Variants in DENND2A observed in about 807,000 individuals in gnomAD.
DENND2A encodes the protein DENN domain containing 2A.
Under a neutral mutation model 105.3 loss-of-function variants are expected in DENND2A, and 53 were observed. The observed-to-expected ratio is 0.50, with a 90% CI of 0.40 to 0.63. The LOEUF is 0.63. DENND2A is among the 30% of genes least tolerant of loss of function. DENND2A has a pLI of 0.00. For missense variants in DENND2A, 1,138 were observed against 1,279.6 expected, an observed-to-expected ratio of 0.89 and a Z score of 1.69; for synonymous variants, 522 against 508.4, an observed-to-expected ratio of 1.03 and a Z score of -0.36.
At chr7:140,560,173 G>A (rs146489468) in intron 9 of DENND2A, among the ~76,000 whole-genome samples, 52 of 152,322 alleles carry the variant, frequency 3.4e-4, no homozygotes, top group Non-Finnish European at 5.3e-4. Flanking sequence ...AGGCCTCTCT[G>A]TCTCTGGGTC....
intron 14 of DENND2A, among the ~76,000 whole-genome samples, chr7:140,540,445 C>T (rs1478631171): frequency 6.6e-6 from 1 of 152,260 alleles, no homozygotes; most frequent in African/African-American, 2.4e-5. Context: ...CAGTGCCTTT[C>T]CTATGGACTG....
rs201691700 is a variant in DENND2A at position 140,583,225 on chromosome 7, C to T, written c.1245+2364G>A. Among the ~76,000 whole-genome samples the T allele has an allele frequency of 3.9e-5, 6 of 152,100 alleles. No homozygotes were observed. The East Asian group carries it at 7.7e-4, about 20-fold the overall frequency. The stretch of plus-strand genomic sequence containing the variant: ...CTGGGAGGCTGAGGCAGGAGAATGG[C>T]GTGAACCCGGGAGGTGGAGCTTGCA... On this transcript the variant is annotated intron_variant, in intron 5 of 19. Coordinates refer to ENST00000496613, the MANE Select transcript of DENND2A (RefSeq NM_015689.5).
intron 1 of DENND2A, among the ~76,000 whole-genome samples, chr7:140,637,808 T>C (rs1445238414): frequency 6.6e-6 from 1 of 152,192 alleles, no homozygotes; most frequent in Non-Finnish European, 1.5e-5. Context: ...CACCCCTCTC[T>C]GGGCTATACT....
Position 140,567,170 on chromosome 7 carries a change from G to A in DENND2A, c.1695C>T (p.Phe565=), listed in dbSNP as rs200641456. The part of the protein sequence containing the change: ...ELIEYQERQL[F]EYFVVVSLHK... ...GCAAAGACACAACCACAAAGTACTC[G>A]AAGAGCTGCCTCTCCTGGTACTCGA... The change falls in exon 9 of 20, where the codon TTC becomes TTT. Residue 565 remains phenylalanine (F), a synonymous_variant. Transcript: ENST00000496613. The A allele has an allele frequency of 6.2e-6, 10 of 1,613,578 alleles. No individual in the cohort carries two copies. In the East Asian group the frequency reaches 8.9e-5, roughly 14 times the overall value.
chr7:140,550,903 A>G (rs2130541645), intron 12 of DENND2A, among the ~76,000 whole-genome samples: 1 of 152,302 alleles, frequency 6.6e-6, no homozygotes, highest in East Asian at 1.9e-4. Context: ...TATATATTTT[A>G]GCACAAGAAA....
chr7:140,569,544 TCTC>T (rs774250902), intron 7 of DENND2A, 98 bp downstream of exon 7: 183 of 824,118 alleles, frequency 2.2e-4, no homozygotes, highest in Non-Finnish European at 3.5e-4. Context: ...ATCAGCTTGT[TCTC>T]CTCCTTGGTG....
chr7:140,639,054 G>C lies in DENND2A; in HGVS notation c.-248+1450C>G, dbSNP rs114031811. Reference sequence around the variant, plus strand: ...GACACAGGATTTTATTAATCTTCCAGAATGAAAGGACTGGAGGCCAGGCAC... The same window carrying C: ...GACACAGGATTTTATTAATCTTCCACAATGAAAGGACTGGAGGCCAGGCAC... On this transcript the variant is annotated intron_variant, in intron 1 of 19. Transcript: ENST00000496613. Among the ~76,000 whole-genome samples the C allele has an allele frequency of 8.5e-3, 1,295 of 152,250 alleles. 17 individuals carry two copies. Among genetic ancestry groups the C allele is most frequent in the African/African-American group, 0.029 (1,219 of 41,542 alleles).
At chr7:140,542,843 G>A (rs1408990398) in intron 14 of DENND2A, among the ~76,000 whole-genome samples, 1 of 152,038 alleles carries the variant, frequency 6.6e-6, no homozygotes, top group Non-Finnish European at 1.5e-5. Flanking sequence ...TGGGATTACA[G>A]TCATGAGCCA....
chr7:140,567,390 T>C (rs1797895209), intron 8 of DENND2A, 117 bp from the exon 9 acceptor site: 1 of 918,438 alleles, frequency 1.1e-6, no homozygotes. Context: ...CCATGTGGAA[T>C]TGTGCCGAGC....
chr7:140,554,175 G>A (rs887690493), intron 12 of DENND2A, among the ~76,000 whole-genome samples: 1 of 151,698 alleles, frequency 6.6e-6, no homozygotes, highest in Non-Finnish European at 1.5e-5. Flanking sequence ...GCAGTGAGCC[G>A]AGGTCGCACC....
At chr7:140,639,374 A>G (rs1801090695) in intron 1 of DENND2A, among the ~76,000 whole-genome samples, 1 of 151,874 alleles carries the variant, frequency 6.6e-6, no homozygotes, top group Admixed American at 6.6e-5. Context: ...ATAAAAAACA[A>G]ACGAAAGGAC....
Position 140,527,200 on chromosome 7 carries a change from C to T in DENND2A, c.2505+118G>A, listed in dbSNP as rs1479181495. On this transcript the variant is annotated intron_variant, in intron 15 of 19. Transcript: ENST00000496613. The surrounding 1 kb of genome is among the most constrained non-coding windows in gnomAD (Gnocchi z 4.9). ...GCCAGACAAAGCCCTGGTGCCCCCACGCCCTGCTCCCCAACACTGCTGGCT... is the reference window on the plus strand; with the variant it reads ...GCCAGACAAAGCCCTGGTGCCCCCATGCCCTGCTCCCCAACACTGCTGGCT... 6.0e-6 allele frequency: 7 copies of T among 1,163,282 alleles called. No individual in the cohort carries two copies. In the East Asian group the frequency reaches 1.1e-4, roughly 18 times the overall value. 72.1% of individuals were successfully genotyped at this position (1,163,282 alleles called of 1,614,324 possible). A position where few individuals can be genotyped will look rare whatever the true frequency, so the allele number is the denominator to read the frequency against.
chr7:140,627,534 T>TA (rs200295836), intron 1 of DENND2A, among the ~76,000 whole-genome samples: 33 of 151,070 alleles, frequency 2.2e-4, no homozygotes, highest in African/African-American at 3.9e-4. Context: ...TTTATTTATT[T>TA]TTTTTTGAGA....
At chr7:140,641,399 C>T (rs532717148), upstream of DENND2A, 1 of 152,330 alleles carries the variant, frequency 6.6e-6, no homozygotes, top group African/African-American at 2.4e-5. Flanking sequence ...CCGCTGCCCC[C>T]ACTCACGCAG....
chr7:140,640,653 G>A lies in DENND2A; in HGVS notation c.-397C>T, dbSNP rs1402138310. 1 of 148,098 alleles carries A rather than the reference G, an allele frequency of 6.8e-6. No homozygotes were observed. Among genetic ancestry groups the A allele is most frequent in the East Asian group, 2.0e-4 (1 of 5,100 alleles). 9.2% of individuals were successfully genotyped at this position (148,098 alleles called of 1,614,324 possible). ...CGCCCTCCGCCCCTTTGTCCGCCGA[G>A]CCTCCCCCGGCCGCCCGCAAGCCCC... On this transcript the variant is annotated 5_prime_UTR_variant, in exon 1 of 20. Transcript: ENST00000496613. The surrounding 1 kb of genome is among the most constrained non-coding windows in gnomAD (Gnocchi z 4.9).
chr7:140,584,465 A>G (rs549537430), intron 5 of DENND2A, among the ~76,000 whole-genome samples: 17 of 152,254 alleles, frequency 1.1e-4, no homozygotes, highest in African/African-American at 4.1e-4. Flanking sequence ...TAGGCTCTGG[A>G]TGGAAGGGGC....
intron 3 of DENND2A, among the ~76,000 whole-genome samples, chr7:140,592,212 AT>A (rs576837816): frequency 6.7e-4 from 90 of 134,280 alleles, no homozygotes; most frequent in African/African-American, 1.4e-3. Flanking sequence ...GCTAATTTTT[AT>A]TTTTTTTTTT....
At chr7:140,546,178 G>A (rs1394487896) in intron 13 of DENND2A, among the ~76,000 whole-genome samples, 1 of 152,082 alleles carries the variant, frequency 6.6e-6, no homozygotes, top group Non-Finnish European at 1.5e-5. Flanking sequence ...CTAGCACTTT[G>A]GGAGGCTGAG....
At chr7:140,633,410 C>T (rs1239425050) in intron 1 of DENND2A, among the ~76,000 whole-genome samples, 3 of 152,050 alleles carry the variant, frequency 2.0e-5, no homozygotes, top group Non-Finnish European at 2.9e-5. Flanking sequence ...CCGCCTTGGC[C>T]GCCCAAAGTG....
Sources: allele counts gnomAD v4.1 joint callset (sites outside exome capture counted in the v4.1 genomes callset), GRCh38; gene constraint gnomAD v4.1.1; non-coding constraint Gnocchi (gnomAD v3.1); transcripts MANE v1.5; gene names NCBI Gene and HGNC (gene_info 2026-07-23, HGNC 2026-07-21).